The following CD109 variants were observed in gnomAD, a reference collection of about 807,000 sequenced individuals.
CD109 encodes the protein CD109 molecule.
Under a neutral mutation model 165.8 loss-of-function variants are expected in CD109, and 149 were observed. That is an observed-to-expected ratio of 0.90 (90% confidence interval 0.79 to 1.03). The LOEUF (loss-of-function observed/expected upper bound fraction) is 1.03. Among genes scored for constraint, CD109 ranks in the 50% least tolerant of loss-of-function variants. The probability of loss-of-function intolerance (pLI) is 0.00; values close to 1 mark genes in which losing one functional copy is unlikely to be tolerated. For missense variants in CD109, 1,712 were observed against 1,677.8 expected (o/e 1.02, Z -0.36); for synonymous variants, 585 against 592.1 (o/e 0.99, Z 0.18).
chr6:73,733,688 G>T (rs1772446907), intron 4 of CD109, among the ~76,000 whole-genome samples: 2 of 152,246 alleles, frequency 1.3e-5, no homozygotes, highest in South Asian at 4.1e-4. Context: ...TGGCTTGGGG[G>T]TATATCCTGT....
chr6:73,786,099 A>C (rs1277677239), intron 20 of CD109, among the ~76,000 whole-genome samples: 3 of 151,934 alleles, frequency 2.0e-5, no homozygotes, highest in Admixed American at 6.6e-5. Context: ...CTCCCAAAGT[A>C]CTGGCATTAC....
intron 4 of CD109, among the ~76,000 whole-genome samples, chr6:73,734,542 A>G (rs980802457): frequency 4.6e-5 from 7 of 152,228 alleles, no homozygotes; most frequent in African/African-American, 1.4e-4. Flanking sequence ...CCCATGCGTC[A>G]TGCTGTGGCA....
intron 24 of CD109, among the ~76,000 whole-genome samples, chr6:73,805,599 G>C (rs548848837): frequency 6.6e-6 from 1 of 152,318 alleles, no homozygotes; most frequent in African/African-American, 2.4e-5. Flanking sequence ...GGGACGGTCA[G>C]GTCTTTCCCT....
chr6:73,716,855 G>A (rs1385872892), intron 2 of CD109, among the ~76,000 whole-genome samples: 2 of 152,178 alleles, frequency 1.3e-5, no homozygotes, highest in Non-Finnish European at 2.9e-5. Context: ...TCTTTGCCCA[G>A]TTCAGTGTCC....
chr6:73,802,154 A>G (rs1015898428), intron 23 of CD109, among the ~76,000 whole-genome samples: 2 of 151,752 alleles, frequency 1.3e-5, no homozygotes, highest in African/African-American at 4.8e-5. Flanking sequence ...ACTATTTGCA[A>G]ATATGACACA....
intron 3 of CD109, among the ~76,000 whole-genome samples, chr6:73,728,852 C>T (rs1002549563): frequency 6.6e-6 from 1 of 152,216 alleles, no homozygotes; most frequent in Non-Finnish European, 1.5e-5. Flanking sequence ...TGCTAAGTAA[C>T]TCTAAAACTT....
chr6:73,743,345 A>G (rs1402315025), intron 5 of CD109, among the ~76,000 whole-genome samples: 1 of 152,236 alleles, frequency 6.6e-6, no homozygotes, highest in Non-Finnish European at 1.5e-5. Flanking sequence ...AGAAAACTCA[A>G]CAGGGTTAAG....
In CD109 at chr6:73,744,020, G is replaced by A. The variant is rs568898168; in HGVS notation, c.633+7512G>A. ...AATAGCATTTATTAATCAGTGTAGC[G>A]TTATTTTCGTTTTTTAAAAACTGTG... On this transcript the variant is annotated intron_variant, in intron 5 of 32. Coordinates refer to ENST00000287097, the MANE Select transcript of CD109 (RefSeq NM_133493.5). Among the ~76,000 whole-genome samples, 9 of 152,206 alleles carry A rather than the reference G, an allele frequency of 5.9e-5. No homozygotes were observed. In the South Asian group the frequency reaches 6.2e-4, roughly 11 times the overall value.
rs187758357 is a variant in CD109, at chr6:73,767,608, A to G, written c.1498-447A>G. 1.7e-4 allele frequency among the ~76,000 whole-genome samples: 26 copies of G among 152,220 alleles called. No homozygotes were observed. In the East Asian group the frequency reaches 4.6e-3, roughly 27 times the overall value. Reference sequence around the variant, plus strand: ...AAAAACCTTTTTTATTTCTTCACCTATGTTTGCATTTCCAATTTAAAATAG... The same window carrying G: ...AAAAACCTTTTTTATTTCTTCACCTGTGTTTGCATTTCCAATTTAAAATAG... On this transcript the variant is annotated intron_variant, in intron 13 of 32. Transcript: ENST00000287097.
chr6:73,743,432 A>T (rs558744383), intron 5 of CD109, among the ~76,000 whole-genome samples: 20 of 152,366 alleles, frequency 1.3e-4, no homozygotes, highest in Non-Finnish European at 2.9e-5. Context: ...AGCAATCTGC[A>T]TTGAGTTATT....
In CD109 at chr6:73,785,487, T is replaced by G; in HGVS notation, c.2337+10T>G. On this transcript the variant is annotated intron_variant, in intron 20 of 32. Coordinates refer to ENST00000287097, the MANE Select transcript of CD109 (RefSeq NM_133493.5). ...GAAAGATGCCACTGAGGTAATGTAT[T>G]CAAGCTTTTGTTGATCATTTACACT... is the stretch of plus-strand genomic sequence containing the variant. The G allele has an allele frequency of 6.9e-7, 1 of 1,439,322 alleles. No homozygotes were observed. The highest frequency in any genetic ancestry group is 9.7e-7 in the Non-Finnish European group (1 of 1,032,528). 89.2% of individuals were successfully genotyped at this position (1,439,322 alleles called of 1,614,324 possible).
At chr6:73,818,124 C>T (rs985150644) in intron 30 of CD109, among the ~76,000 whole-genome samples, 2 of 152,080 alleles carry the variant, frequency 1.3e-5, no homozygotes, top group Non-Finnish European at 2.9e-5. Flanking sequence ...TAAGCACAAG[C>T]CTCTTACATT....
intron 2 of CD109, among the ~76,000 whole-genome samples, chr6:73,702,153 A>G (rs913116972): frequency 6.6e-5 from 10 of 152,152 alleles, no homozygotes; most frequent in Non-Finnish European, 1.3e-4. Context: ...AAAATCCTGG[A>G]GAGTTAATGG....
chr6:73,826,058 G>A lies in CD109; in HGVS notation c.*2425G>A, dbSNP rs1776265113. ...TATTAAAAATGAAGAGGACAACAAT[G>A]AGAAGGAACATAAAGGGTTAGCTAG... On this transcript the variant is annotated 3_prime_UTR_variant, in exon 33 of 33. Coordinates refer to ENST00000287097, the MANE Select transcript of CD109 (RefSeq NM_133493.5). The A allele has an allele frequency of 6.6e-6, 1 of 152,138 alleles. No individual in the cohort carries two copies. The highest frequency in any genetic ancestry group is 1.5e-5 in the Non-Finnish European group (1 of 68,042). 9.4% of individuals were successfully genotyped at this position (152,138 alleles called of 1,614,324 possible).
rs183646741 is a variant in CD109, at chr6:73,780,604, C to T, written c.1902+106C>T. 2.2e-4 allele frequency: 163 copies of T among 729,152 alleles called. 1 individual carries two copies. The highest frequency in any genetic ancestry group is 2.1e-3 in the African/African-American group (119 of 55,866). 45.2% of individuals were successfully genotyped at this position (729,152 alleles called of 1,614,324 possible). A position where few individuals can be genotyped will look rare whatever the true frequency, so the allele number is the denominator to read the frequency against. On this transcript the variant is annotated intron_variant, in intron 16 of 32. Coordinates refer to ENST00000287097, the MANE Select transcript of CD109 (RefSeq NM_133493.5). ...GATGTTAACCTTTTATTAAATGTGT[C>T]ACTGAAGCGCAGTCTTATGTAAGTA...
chr6:73,721,924 T>C (rs989425614), intron 2 of CD109, among the ~76,000 whole-genome samples: 2 of 152,000 alleles, frequency 1.3e-5, no homozygotes, highest in Non-Finnish European at 2.9e-5. Flanking sequence ...TTAGTGGAGA[T>C]GGGGTTTTGC....
At chr6:73,683,276 C>T in the CD109 span, among the ~76,000 whole-genome samples, 2,407 of 152,284 alleles carry the variant, frequency 0.016, 28 homozygotes, top group Non-Finnish European at 0.025. Context: ...TTTCTTCCAC[C>T]AGATACCCTA....
chr6:73,776,553 CTTTTTTTTT>C (rs34703329), intron 15 of CD109, among the ~76,000 whole-genome samples: 15 of 73,110 alleles, frequency 2.1e-4, no homozygotes, highest in Middle Eastern at 0.023. Context: ...CGCAAGTGGC[CTTTTTTTTT>C]TTTTTTTTTT....
At chr6:73,717,680 C>T (rs534043927) in intron 2 of CD109, among the ~76,000 whole-genome samples, 11 of 128,046 alleles carry the variant, frequency 8.6e-5, no homozygotes, top group South Asian at 2.5e-4. Flanking sequence ...AGTGCAGTGG[C>T]GCAATCTCGG....
Sources: allele counts gnomAD v4.1 joint callset (sites outside exome capture counted in the v4.1 genomes callset), GRCh38; gene constraint gnomAD v4.1.1; transcripts MANE v1.5; gene names NCBI Gene and HGNC (gene_info 2026-07-23, HGNC 2026-07-21).